The following CHST8 variants were observed in gnomAD, a reference collection of about 807,000 sequenced individuals.
CHST8 encodes carbohydrate sulfotransferase 8.
In CHST8, 10 loss-of-function variants were observed where a neutral mutation model predicts 15.0. That is an observed-to-expected ratio of 0.67 (90% CI 0.41 to 1.13). CHST8 has a LOEUF of 1.13. Among genes scored for constraint, CHST8 ranks in the 50% most tolerant of loss-of-function variants. The pLI is 0.00. For synonymous variants in CHST8, 259 were observed against 256.6 expected (o/e 1.01, Z -0.09); for missense variants, 634 against 608.2 (o/e 1.04, Z -0.45).
At chr19:33,649,803 T>C (rs1452469104) in intron 1 of CHST8, among the ~76,000 whole-genome samples, 1 of 152,162 alleles carries the variant, frequency 6.6e-6, no homozygotes, top group Non-Finnish European at 1.5e-5. Flanking sequence ...TCTTGTCCAA[T>C]CAAAGCTGCA....
intron 2 of CHST8, among the ~76,000 whole-genome samples, chr19:33,678,025 G>T (rs138493267): frequency 1.4e-3 from 215 of 152,288 alleles, no homozygotes; most frequent in African/African-American, 4.4e-3. Flanking sequence ...CCGCACCGAG[G>T]GACTGGGAAA....
intron 1 of CHST8, among the ~76,000 whole-genome samples, chr19:33,637,303 A>C (rs1972217259): frequency 1.3e-5 from 2 of 151,696 alleles, no homozygotes; most frequent in Admixed American, 6.6e-5. Flanking sequence ...TCTCAGCCTC[A>C]TTTTACCCAG....
chr19:33,772,850 T>C lies in CHST8; in HGVS notation c.1062T>C (p.Asp354=). 1 of 1,613,524 alleles carries C rather than the reference T, an allele frequency of 6.2e-7. No homozygotes were observed. The highest frequency in any genetic ancestry group is 8.5e-7 in the Non-Finnish European group (1 of 1,180,044). Residue 354 remains aspartate, a synonymous_variant, in exon 5 of 5, where the codon GAT becomes GAC. Coordinates refer to ENST00000650847, the MANE Select transcript of CHST8 (RefSeq NM_001127895.2). ...FVGKFESMED[D]ANFFLSLIRA... is the part of the protein sequence containing the mutation. Reference sequence around the variant, plus strand: ...GCAAGTTCGAGAGCATGGAGGACGATGCCAACTTCTTCCTGAGCCTCATCC... The same window carrying C: ...GCAAGTTCGAGAGCATGGAGGACGACGCCAACTTCTTCCTGAGCCTCATCC...
At chr19:33,682,302 C>T (rs188881528) in intron 2 of CHST8, among the ~76,000 whole-genome samples, 3 of 149,706 alleles carry the variant, frequency 2.0e-5, no homozygotes, top group Non-Finnish European at 3.0e-5. Flanking sequence ...AAGCGATTCT[C>T]CTGCCTGGAA....
intron 3 of CHST8, among the ~76,000 whole-genome samples, chr19:33,697,938 C>A (rs1195646652): frequency 2.0e-5 from 3 of 152,184 alleles, no homozygotes; most frequent in South Asian, 2.1e-4. Context: ...TGGCCTCTGG[C>A]AACAAGGAGC....
intron 3 of CHST8, among the ~76,000 whole-genome samples, chr19:33,690,593 C>T (rs1286848466): frequency 6.6e-6 from 1 of 152,188 alleles, no homozygotes; most frequent in Non-Finnish European, 1.5e-5. Context: ...GGGAGGCAGC[C>T]AAGGCGGTGG....
rs1974337663 is a variant in CHST8 at position 33,747,579 on chromosome 19, A to G, written c.131-23834A>G. Among the ~76,000 whole-genome samples, 3 of 152,092 alleles carry G rather than the reference A, an allele frequency of 2.0e-5. No individual in the cohort carries two copies. The South Asian group carries it at 6.2e-4, about 32-fold the overall frequency. On this transcript the variant is annotated intron_variant, in intron 3 of 4. Transcript: ENST00000650847. ...CACACATACACACACACACACATACACACTACTAAGAAGAGAAAGGAATGA... is the reference window on the plus strand; with the variant it reads ...CACACATACACACACACACACATACGCACTACTAAGAAGAGAAAGGAATGA...
At chr19:33,713,450 A>C (rs1477508868) in intron 3 of CHST8, among the ~76,000 whole-genome samples, 1 of 152,080 alleles carries the variant, frequency 6.6e-6, no homozygotes, top group Non-Finnish European at 1.5e-5. Context: ...GCAGCTGCCC[A>C]CTTCCCTCTT....
At chr19:33,727,351 G>A (rs1230548200) in intron 3 of CHST8, among the ~76,000 whole-genome samples, 2 of 152,136 alleles carry the variant, frequency 1.3e-5, no homozygotes, top group African/African-American at 2.4e-5. Context: ...CTGCAGCACT[G>A]CCCAAGGAGT....
chr19:33,704,820 G>C (rs1035645103), intron 3 of CHST8, among the ~76,000 whole-genome samples: 1 of 151,222 alleles, frequency 6.6e-6, no homozygotes, highest in Admixed American at 6.6e-5. Context: ...CGAGGCAGGA[G>C]AATAGCTTGA....
intron 3 of CHST8, among the ~76,000 whole-genome samples, chr19:33,694,346 T>C (rs903149185): frequency 6.6e-6 from 1 of 151,132 alleles, no homozygotes; most frequent in Non-Finnish European, 1.5e-5. Context: ...TGCCTTTTCC[T>C]GGAGTCAAGG....
At chr19:33,685,110 G>A (rs1441858225) in intron 2 of CHST8, 1 of 152,244 alleles carries the variant, frequency 6.6e-6, no homozygotes, top group Non-Finnish European at 1.5e-5. Context: ...GGCAGCTGAG[G>A]GGAGCGTCCA....
intron 1 of CHST8, among the ~76,000 whole-genome samples, chr19:33,623,682 G>A (rs1972015745): frequency 6.6e-6 from 1 of 152,200 alleles, no homozygotes; most frequent in Non-Finnish European, 1.5e-5. Context: ...GGCACCCGTG[G>A]AGCAGGTGTG....
rs1974592796 is a variant in CHST8 at position 33,757,470 on chromosome 19, GAAAGAAA to G, written c.131-13942_131-13936del. ...AGAAAGAAAGAAAGAAAGAAAGAAAGAAAGAAAGAAAGAAAGAAAGAAAGAAAGAAAG... is the reference window on the plus strand; with the variant it reads ...AGAAAGAAAGAAAGAAAGAAAGAAAGGAAAGAAAGAAAGAAAGAAAGAAAG... On this transcript the variant is annotated intron_variant, in intron 3 of 4. Transcript: ENST00000650847. Among the ~76,000 whole-genome samples the G allele has an allele frequency of 9.6e-5, 4 of 41,748 alleles. 1 individual carries two copies. Among genetic ancestry groups the G allele is most frequent in the Non-Finnish European group, 1.9e-4 (4 of 20,598 alleles). 27.4% of individuals were successfully genotyped at this position (41,748 alleles called of 152,430 possible). A position where few individuals can be genotyped will look rare whatever the true frequency, so the allele number is the denominator to read the frequency against.
At chr19:33,629,806 C>A (rs989590422) in intron 1 of CHST8, among the ~76,000 whole-genome samples, 2 of 152,252 alleles carry the variant, frequency 1.3e-5, no homozygotes, top group Non-Finnish European at 2.9e-5. Context: ...GCACATTACT[C>A]CTTGGTCCCC....
chr19:33,734,223 G>T (rs993518735), intron 3 of CHST8, among the ~76,000 whole-genome samples: 1 of 152,076 alleles, frequency 6.6e-6, no homozygotes, highest in African/African-American at 2.4e-5. Context: ...TCCCACCAGC[G>T]CCATGACAGT....
rs1402521093 is a variant in CHST8, at chr19:33,669,249, A to G, written c.-87+1406A>G. 2.0e-5 allele frequency among the ~76,000 whole-genome samples: 3 copies of G among 152,202 alleles called. No individual in the cohort carries two copies. The East Asian group carries it at 5.8e-4, about 29-fold the overall frequency. ...CTGGCCACAGAGTTCACATTGTCAC[A>G]GAGTTCACATTGCCATCTACAAACC... On this transcript the variant is annotated intron_variant, in intron 2 of 4. Transcript: ENST00000650847.
chr19:33,659,380 T>C (rs1972555934), intron 1 of CHST8, among the ~76,000 whole-genome samples: 1 of 152,090 alleles, frequency 6.6e-6, no homozygotes, highest in African/African-American at 2.4e-5. Context: ...ATGACTTCTA[T>C]TGAGATTTTT....
chr19:33,622,343 G>C (rs1971994706), intron 1 of CHST8, 47 bp downstream of exon 1: 1 of 152,170 alleles, frequency 6.6e-6, no homozygotes, highest in Admixed American at 6.5e-5. Flanking sequence ...CCCTGCGCAG[G>C]CTCCTGGCCT....
Sources: allele counts gnomAD v4.1 joint callset (sites outside exome capture counted in the v4.1 genomes callset), GRCh38; gene constraint gnomAD v4.1.1; transcripts MANE v1.5; gene names NCBI Gene and HGNC (gene_info 2026-07-23, HGNC 2026-07-21).